GPHN: variants seen among roughly 807,000 people sequenced by gnomAD.
The protein encoded by GPHN is gephyrin.
A neutral mutation model predicts 95.5 loss-of-function variants in GPHN; 17 were observed. The observed-to-expected ratio is 0.18, with a 90% CI of 0.12 to 0.27. The LOEUF is 0.27. Among genes scored for constraint, GPHN ranks in the 10% least tolerant of loss-of-function variants. The probability of loss-of-function intolerance (pLI) is 1.00; values close to 1 mark genes in which losing one functional copy is unlikely to be tolerated. For synonymous variants in GPHN, 320 were observed against 322.5 expected (o/e 0.99, Z 0.08); for missense variants, 660 against 978.1 (o/e 0.67, Z 4.34).
chr14:67,541,917 G>A, the GPHN span: 4 of 1,605,160 alleles, frequency 2.5e-6, no homozygotes, highest in Admixed American at 3.4e-5. Flanking sequence ...TGGCAGAAAC[G>A]CTGCCTGACC....
At chr14:66,966,267 T>C (rs1287099238) in intron 9 of GPHN, among the ~76,000 whole-genome samples, 1 of 152,142 alleles carries the variant, frequency 6.6e-6, no homozygotes, top group African/African-American at 2.4e-5. Flanking sequence ...AATGTTATAA[T>C]TTAATTTGAC....
intron 10 of GPHN, among the ~76,000 whole-genome samples, chr14:67,030,970 C>A (rs1434087937): frequency 6.6e-6 from 1 of 151,900 alleles, no homozygotes; most frequent in Non-Finnish European, 1.5e-5. Context: ...TTAGCAAAAA[C>A]TCTAATATAT....
chr14:67,347,550 G>A, the GPHN span: 3 of 1,027,468 alleles, frequency 2.9e-6, no homozygotes, highest in Non-Finnish European at 2.9e-6. Flanking sequence ...CGCCGAGGCT[G>A]GAATGCAATG....
At chr14:66,621,009 G>A (rs1013322749) in intron 1 of GPHN, among the ~76,000 whole-genome samples, 2 of 152,098 alleles carry the variant, frequency 1.3e-5, no homozygotes, top group African/African-American at 4.8e-5. Context: ...CTGTCGCCCA[G>A]GCTGGAGTGC....
the GPHN span, chr14:67,301,832 C>T: frequency 1.0e-6 from 1 of 989,582 alleles, no homozygotes; most frequent in Admixed American, 3.4e-5. Context: ...GTATACTTAA[C>T]ACATCTTTAT....
At chr14:67,261,908 A>T in the GPHN span, among the ~76,000 whole-genome samples, 1 of 152,154 alleles carries the variant, frequency 6.6e-6, no homozygotes, top group Non-Finnish European at 1.5e-5. Flanking sequence ...AATTGAAGGG[A>T]AAAGATAAAT....
rs1408955530 is a variant in GPHN, at chr14:66,703,538, C to T, written c.143+22353C>T. On this transcript the variant is annotated intron_variant, in intron 2 of 22. Transcript: ENST00000478722. ...TTAAACGCAGAATTTCATATCTAGC[C>T]AAACTAAACTTCATAAGCAAAGGAG... Among the ~76,000 whole-genome samples the T allele has an allele frequency of 2.0e-5, 3 of 152,260 alleles. No homozygotes were observed. In the East Asian group the frequency reaches 5.8e-4, roughly 29 times the overall value.
intron 9 of GPHN, among the ~76,000 whole-genome samples, chr14:67,022,467 T>C (rs930493504): frequency 6.6e-6 from 1 of 151,710 alleles, no homozygotes; most frequent in Non-Finnish European, 1.5e-5. Flanking sequence ...ACTAGCTTTT[T>C]CCTTCTAGTA....
intron 9 of GPHN, among the ~76,000 whole-genome samples, chr14:66,998,365 A>G (rs1457098682): frequency 6.6e-6 from 1 of 152,174 alleles, no homozygotes; most frequent in African/African-American, 2.4e-5. Context: ...TGCTATAAAG[A>G]CCAATAAAAT....
chr14:66,884,752 T>C (rs1330590216), intron 5 of GPHN, among the ~76,000 whole-genome samples: 1 of 151,410 alleles, frequency 6.6e-6, no homozygotes, highest in Non-Finnish European at 1.5e-5. Flanking sequence ...ACATAGCTGA[T>C]AGAAATGTTA....
chr14:66,980,848 T>A (rs961856467), intron 9 of GPHN, among the ~76,000 whole-genome samples: 3 of 152,166 alleles, frequency 2.0e-5, no homozygotes, highest in Admixed American at 1.3e-4. Context: ...GTCGGGAGTT[T>A]GAGACCAGCC....
At chr14:67,674,728 G>A in the GPHN span, 9 of 403,896 alleles carry the variant, frequency 2.2e-5, no homozygotes, top group Non-Finnish European at 3.5e-5. Context: ...GAGACTGCGC[G>A]GCCTAGGCGA....
chr14:66,583,139 T>TG (rs1451971893), intron 1 of GPHN, among the ~76,000 whole-genome samples: 1 of 152,134 alleles, frequency 6.6e-6, no homozygotes, highest in African/African-American at 2.4e-5. Flanking sequence ...TGGCCAGTGA[T>TG]GATGAGCATT....
At chr14:66,678,154 A>G (rs779651191) in intron 1 of GPHN, among the ~76,000 whole-genome samples, 6 of 152,178 alleles carry the variant, frequency 3.9e-5, no homozygotes, top group Non-Finnish European at 7.3e-5. Context: ...GGAAGTTGTC[A>G]GCCATTATTT....
chr14:66,675,822 A>T (rs1056524527), intron 1 of GPHN, among the ~76,000 whole-genome samples: 3 of 152,248 alleles, frequency 2.0e-5, no homozygotes, highest in East Asian at 3.9e-4. Context: ...CTGCATATAA[A>T]TATCCAATTT....
chr14:67,352,942 A>C, the GPHN span: 1 of 1,609,772 alleles, frequency 6.2e-7, no homozygotes, highest in Non-Finnish European at 8.5e-7. Flanking sequence ...CTTCTTTAGG[A>C]TCTGTCGAAA....
chr14:67,488,155 C>T, the GPHN span, among the ~76,000 whole-genome samples: 1 of 152,218 alleles, frequency 6.6e-6, no homozygotes, highest in African/African-American at 2.4e-5. Context: ...AGCTGGCACT[C>T]CCCTGTGGAT....
intron 1 of GPHN, among the ~76,000 whole-genome samples, chr14:66,646,676 T>G (rs1035164591): frequency 2.0e-5 from 3 of 152,100 alleles, no homozygotes; most frequent in African/African-American, 7.2e-5. Context: ...TATTTATTGT[T>G]GTCAAATTCA....
chr14:67,600,204 G>A, the GPHN span: 47 of 1,571,774 alleles, frequency 3.0e-5, 1 homozygote, highest in East Asian at 5.0e-4. Context: ...CATCCTCCAT[G>A]ACGCCCCCAC....
Sources: allele counts gnomAD v4.1 joint callset (sites outside exome capture counted in the v4.1 genomes callset), GRCh38; gene constraint gnomAD v4.1.1; transcripts MANE v1.5; gene names NCBI Gene and HGNC (gene_info 2026-07-23, HGNC 2026-07-21).